Variants in TMC2 observed in about 807,000 individuals in gnomAD.
TMC2 encodes transmembrane channel like 2.
A neutral mutation model predicts 105.9 loss-of-function variants in TMC2; 102 were observed. The ratio of observed to expected loss-of-function variants is 0.96; its 90% CI spans 0.82 to 1.14. The LOEUF is 1.14. Among genes scored for constraint, TMC2 ranks in the 50% most tolerant of loss-of-function variants. The pLI, the probability that TMC2 is intolerant of heterozygous loss-of-function variation, is 0.00. For synonymous variants in TMC2, 402 were observed against 422.8 expected (o/e 0.95, Z 0.60); for missense variants, 1,093 against 1,134.3 (o/e 0.96, Z 0.52).
intron 4 of TMC2, 141 bp downstream of exon 4, chr20:2,562,151 A>C: frequency 1.9e-6 from 2 of 1,079,622 alleles, no homozygotes; most frequent in South Asian, 1.8e-5. Flanking sequence ...AGGGAGCCCC[A>C]TGAGAGCCAA....
intron 16 of TMC2, among the ~76,000 whole-genome samples, chr20:2,619,321 C>T (rs1428813007): frequency 1.3e-5 from 2 of 152,062 alleles, no homozygotes; most frequent in Non-Finnish European, 2.9e-5. Flanking sequence ...GTATAGGTGG[C>T]TCTGAACATC....
At chr20:2,563,492 T>A (rs549743953) in intron 4 of TMC2, among the ~76,000 whole-genome samples, 1 of 152,348 alleles carries the variant, frequency 6.6e-6, no homozygotes, top group South Asian at 2.1e-4. Context: ...AACAGATTAG[T>A]GTAACCGAAA....
Position 2,592,793 on chromosome 20 carries a change from A to C in TMC2, c.933+385A>C, listed in dbSNP as rs2086278687. On this transcript the variant is annotated intron_variant, in intron 8 of 19. Coordinates refer to ENST00000358864, the MANE Select transcript of TMC2 (RefSeq NM_080751.3). This position sits in a 1 kb window ranked among gnomAD's most constrained non-coding sequence, Gnocchi z 4.9. ...AACTGAATGTCCTACTTGCTCTTCA[A>C]ATGCAACACCTATCCAGCCAAAACC... 6.6e-6 allele frequency among the ~76,000 whole-genome samples: 1 copy of C among 152,104 alleles called. No homozygotes were observed. Among genetic ancestry groups the C allele is most frequent in the African/African-American group, 2.4e-5 (1 of 41,406 alleles).
At chr20:2,591,843 C>T (rs1004812515) in intron 7 of TMC2, among the ~76,000 whole-genome samples, 8 of 152,024 alleles carry the variant, frequency 5.3e-5, no homozygotes, top group African/African-American at 9.7e-5. Context: ...ATCAGGAAAG[C>T]GATCAATGTT....
chr20:2,639,286 C>G (rs890307628), intron 19 of TMC2, among the ~76,000 whole-genome samples: 20 of 152,326 alleles, frequency 1.3e-4, no homozygotes, highest in African/African-American at 4.1e-4. Context: ...CTTTCACATT[C>G]ACTCATCACC....
At chr20:2,608,300 TTTATTATTATTATTATTATTATTA>T (rs61608674) in intron 11 of TMC2, among the ~76,000 whole-genome samples, 2 of 134,602 alleles carry the variant, frequency 1.5e-5, no homozygotes, top group African/African-American at 5.4e-5. Context: ...CTTATTTTTA[TTTATTATTATTATTATTATTATTA>T]TTATTATTAT....
At chr20:2,571,027 G>A (rs1679471606) in intron 4 of TMC2, among the ~76,000 whole-genome samples, 1 of 152,132 alleles carries the variant, frequency 6.6e-6, no homozygotes, top group Non-Finnish European at 1.5e-5. Flanking sequence ...TTGAATGTAA[G>A]ACCTAAAATT....
intron 11 of TMC2, among the ~76,000 whole-genome samples, chr20:2,606,891 C>CTTTTT (rs11476357): frequency 4.8e-5 from 4 of 83,978 alleles, no homozygotes; most frequent in African/African-American, 1.8e-4. Context: ...TTTCTTTTTT[C>CTTTTT]TTTTTTTTTT....
At chr20:2,561,498 G>A (rs1445378863) in intron 3 of TMC2, among the ~76,000 whole-genome samples, 2 of 152,092 alleles carry the variant, frequency 1.3e-5, no homozygotes, top group Non-Finnish European at 2.9e-5. Flanking sequence ...TAATATATTT[G>A]AGTAAATAAA....
chr20:2,552,554 C>T (rs1433836765), intron 2 of TMC2, among the ~76,000 whole-genome samples: 4 of 152,140 alleles, frequency 2.6e-5, no homozygotes, highest in African/African-American at 9.7e-5. Flanking sequence ...AGAGTTCTGT[C>T]ACCCATGCTG....
chr20:2,592,549 C>A lies in TMC2; in HGVS notation c.933+141C>A. The stretch of plus-strand genomic sequence containing the variant: ...CCCAGCACTAAGCTAAATGAGCTTG[C>A]AAACCATGTCTCTGCACAGTCTTCC... On this transcript the variant is annotated intron_variant, in intron 8 of 19. Coordinates refer to ENST00000358864, the MANE Select transcript of TMC2 (RefSeq NM_080751.3). This position sits in a 1 kb window ranked among gnomAD's most constrained non-coding sequence, Gnocchi z 4.9. The A allele has an allele frequency of 3.1e-6, 2 of 649,468 alleles. No homozygotes were observed. The highest frequency in any genetic ancestry group is 2.8e-5 in the East Asian group (1 of 36,322). 40.2% of individuals were successfully genotyped at this position (649,468 alleles called of 1,614,324 possible). A position where few individuals can be genotyped will look rare whatever the true frequency, so the allele number is the denominator to read the frequency against.
At chr20:2,637,670 C>CA in intron 19 of TMC2, 79 bp downstream of exon 19, 1 of 985,486 alleles carries the variant, frequency 1.0e-6, no homozygotes, top group East Asian at 2.5e-5. Flanking sequence ...AGCGTGAAAT[C>CA]AGACTGTTCT....
At chr20:2,614,569 A>T (rs1046109469) in intron 14 of TMC2, among the ~76,000 whole-genome samples, 7 of 152,170 alleles carry the variant, frequency 4.6e-5, no homozygotes, top group African/African-American at 9.7e-5. Flanking sequence ...CGACATAGTG[A>T]GGCCCTGTCT....
At chr20:2,605,480 G>A (rs1416151114) in intron 11 of TMC2, among the ~76,000 whole-genome samples, 7 of 152,164 alleles carry the variant, frequency 4.6e-5, no homozygotes, top group Admixed American at 2.6e-4. Context: ...CATGGAGAGA[G>A]AGAGAGAGAG....
At chr20:2,575,790 A>T (rs1053266827) in intron 5 of TMC2, among the ~76,000 whole-genome samples, 7 of 144,934 alleles carry the variant, frequency 4.8e-5, no homozygotes, top group African/African-American at 1.6e-4. Flanking sequence ...TCAGAAATTT[A>T]TCAGGTTTAT....
At chr20:2,589,271 TG>T (rs1274199442) in intron 7 of TMC2, among the ~76,000 whole-genome samples, 60 of 47,084 alleles carry the variant, frequency 1.3e-3, no homozygotes, top group African/African-American at 9.4e-3. Context: ...CTATTTGCCC[TG>T]TGTGTGTGTG....
chr20:2,569,572 A>G (rs113605470), intron 4 of TMC2, among the ~76,000 whole-genome samples: 50 of 152,338 alleles, frequency 3.3e-4, no homozygotes, highest in African/African-American at 1.1e-3. Context: ...TCAACTTACA[A>G]TAAGTTTATT....
intron 2 of TMC2, among the ~76,000 whole-genome samples, chr20:2,550,370 A>G (rs1016402870): frequency 6.6e-6 from 1 of 152,136 alleles, no homozygotes; most frequent in Non-Finnish European, 1.5e-5. Flanking sequence ...AATTAAAATA[A>G]AAAACTTACA....
intron 9 of TMC2, among the ~76,000 whole-genome samples, chr20:2,596,762 AT>A (rs2086311200): frequency 6.6e-6 from 1 of 150,860 alleles, no homozygotes; most frequent in Non-Finnish European, 1.5e-5. Context: ...TGTGTGTTCT[AT>A]CCAAGAAAAT....
Sources: allele counts gnomAD v4.1 joint callset (sites outside exome capture counted in the v4.1 genomes callset), GRCh38; gene constraint gnomAD v4.1.1; non-coding constraint Gnocchi (gnomAD v3.1); transcripts MANE v1.5; gene names NCBI Gene and HGNC (gene_info 2026-07-23, HGNC 2026-07-21).